The following MYEF2 variants were observed in gnomAD, a reference collection of about 807,000 sequenced individuals.
MYEF2 encodes myelin gene expression factor 2.
MYEF2 carries 37 observed loss-of-function variants against 75.2 expected under a neutral mutation model. That is an observed-to-expected ratio of 0.49 (90% CI 0.38 to 0.65). The LOEUF is 0.65. Among genes scored for constraint, MYEF2 ranks in the 30% least tolerant of loss-of-function variants. MYEF2 has a pLI of 0.00. For synonymous variants in MYEF2, 195 were observed against 241.6 expected, an observed-to-expected ratio of 0.81 and a Z score of 1.79; for missense variants, 634 against 771.4, an observed-to-expected ratio of 0.82 and a Z score of 2.11.
At chr15:48,148,031 TTAATA>T (rs2039354078) in intron 16 of MYEF2, among the ~76,000 whole-genome samples, 2 of 152,032 alleles carry the variant, frequency 1.3e-5, no homozygotes, top group South Asian at 4.2e-4. Flanking sequence ...CAAATAACTA[TTAATA>T]TAATAAAAGC....
At position 48,155,323 on chromosome 15, in the gene MYEF2, T is replaced by C. The variant is rs191737864; in HGVS notation, c.986-1430A>G. Among the ~76,000 whole-genome samples, 77 of 152,212 alleles carry C rather than the reference T, an allele frequency of 5.1e-4. 1 individual carries two copies. Among genetic ancestry groups the C allele is most frequent in the Admixed American group, 3.3e-4 (5 of 15,272 alleles). On this transcript the variant is annotated intron_variant, in intron 9 of 16. Transcript: ENST00000324324. ...GAAAAAAAATCACCCAATAAAATTT[T>C]TAATTCACTAGGAAAATATATCAAT... is the stretch of plus-strand genomic sequence containing the variant.
rs1413381138 is a variant in MYEF2, at chr15:48,138,849, T to G, written c.*4059A>C. The G allele has an allele frequency of 1.4e-6, 1 of 739,170 alleles. No homozygotes were observed. The highest frequency in any genetic ancestry group is 2.2e-6 in the Non-Finnish European group (1 of 450,886). The allele number at this position is 739,170 out of a possible 1,614,324, so 45.8% of individuals were successfully genotyped here. ...ATCAGTAATGAGGTACTCAAATGTT[T>G]TAAACAGCCTTTTAAAAACTGATAC... On this transcript the variant is annotated 3_prime_UTR_variant, in exon 17 of 17. Transcript: ENST00000324324.
At chr15:48,146,040 A>T (rs543768190) in intron 16 of MYEF2, among the ~76,000 whole-genome samples, 2 of 151,914 alleles carry the variant, frequency 1.3e-5, no homozygotes, top group Non-Finnish European at 1.5e-5. Context: ...GAACAAAGTT[A>T]TATCTGTTTA....
intron 5 of MYEF2, among the ~76,000 whole-genome samples, chr15:48,162,125 C>G (rs553521874): frequency 6.6e-6 from 1 of 151,836 alleles, no homozygotes; most frequent in African/African-American, 2.4e-5. Context: ...AATTTGGAAG[C>G]AAGCTCAAAT....
intron 16 of MYEF2, among the ~76,000 whole-genome samples, chr15:48,146,118 T>C (rs2039272752): frequency 6.6e-6 from 1 of 151,930 alleles, no homozygotes; most frequent in South Asian, 2.1e-4. Flanking sequence ...TGTTATAGTC[T>C]TGCATCATAC....
Position 48,153,832 on chromosome 15 carries a change from C to G in MYEF2, c.1047G>C (p.Gln349His). ...TTCCCATTACTCCACCTATGTTCAA[C>G]TGGCTGGCACTAATAGGCTGTCCAC... is the stretch of plus-strand genomic sequence containing the variant. The part of the protein sequence containing the change: ...GPGGQPISAS[Q>H]LNIGGVMGNL... The change falls in exon 10 of 17, where the codon CAG becomes CAC. Residue 349 changes from glutamine (Q) to histidine (H), a missense_variant. Gln to His is a conservative substitution (Grantham distance 24). Coordinates refer to ENST00000324324, the MANE Select transcript of MYEF2 (RefSeq NM_016132.5). 1 of 1,613,502 alleles carries G rather than the reference C, an allele frequency of 6.2e-7. No individual in the cohort carries two copies. The highest frequency in any genetic ancestry group is 1.1e-5 in the South Asian group (1 of 91,050).
At chr15:48,168,032 AAACT>A (rs2040190913) in intron 2 of MYEF2, among the ~76,000 whole-genome samples, 1 of 152,106 alleles carries the variant, frequency 6.6e-6, no homozygotes, top group Admixed American at 6.6e-5. Flanking sequence ...AGAGATAACA[AAACT>A]AACTTTTACA....
At chr15:48,150,769 C>G (rs773211362) in intron 14 of MYEF2, among the ~76,000 whole-genome samples, 2 of 151,976 alleles carry the variant, frequency 1.3e-5, no homozygotes, top group Non-Finnish European at 2.9e-5. Context: ...AGAAAATAAG[C>G]AAGGAAACAA....
chr15:48,139,661 A>G lies in MYEF2; in HGVS notation c.*3247T>C, dbSNP rs1205118282. Reference sequence around the variant, plus strand: ...ATACAAACATATTATGAAATGAGTGAAAAGGGCATAATAATTTTATTCTAG... The same window carrying G: ...ATACAAACATATTATGAAATGAGTGGAAAGGGCATAATAATTTTATTCTAG... On this transcript the variant is annotated 3_prime_UTR_variant, in exon 17 of 17. Transcript: ENST00000324324. 6.6e-6 allele frequency: 1 copy of G among 152,648 alleles called. No homozygotes were observed. The highest frequency in any genetic ancestry group is 6.5e-5 in the Admixed American group (1 of 15,338). The allele number at this position is 152,648 out of a possible 1,614,324, so 9.5% of individuals were successfully genotyped here.
At chr15:48,162,073 AC>A (rs1185904253) in intron 5 of MYEF2, among the ~76,000 whole-genome samples, 5 of 151,934 alleles carry the variant, frequency 3.3e-5, no homozygotes, top group African/African-American at 1.2e-4. Flanking sequence ...CCTGTTAATA[AC>A]TTTTTTAATA....
rs1597262272 is a variant in MYEF2 at position 48,136,486 on chromosome 15, T to G, written c.*6422A>C. The G allele has an allele frequency of 2.3e-6, 1 of 426,554 alleles. No individual in the cohort carries two copies. 26.4% of individuals were successfully genotyped at this position (426,554 alleles called of 1,614,324 possible). On this transcript the variant is annotated 3_prime_UTR_variant, in exon 17 of 17. Transcript: ENST00000324324. ...TAAAAAAAAAAAAACAACACAGAAG[T>G]GTCCAGCTTTTATCAATAAACATAA...
chr15:48,158,724 G>T, intron 7 of MYEF2, 45 bp downstream of exon 7: 1 of 1,607,474 alleles, frequency 6.2e-7, no homozygotes. Flanking sequence ...GTGGTATTAT[G>T]CTTCTTCAAC....
rs892784149 is a variant in MYEF2 at position 48,135,671 on chromosome 15, A to G, written c.*7237T>C. The G allele has an allele frequency of 6.6e-6, 1 of 151,824 alleles. No homozygotes were observed. The highest frequency in any genetic ancestry group is 2.4e-5 in the African/African-American group (1 of 41,280). The allele number at this position is 151,824 out of a possible 1,614,324, so 9.4% of individuals were successfully genotyped here. A position where few individuals can be genotyped will look rare whatever the true frequency, so the allele number is the denominator to read the frequency against. Reference sequence around the variant, plus strand: ...AATGTAAAACACAGCTACACAGGTTATATACATTGCATAACTCCAGAGGAC... The same window carrying G: ...AATGTAAAACACAGCTACACAGGTTGTATACATTGCATAACTCCAGAGGAC... On this transcript the variant is annotated 3_prime_UTR_variant, in exon 17 of 17. Transcript: ENST00000324324.
In MYEF2 at chr15:48,135,891, G is replaced by A. The variant is rs1390091467; in HGVS notation, c.*7017C>T. ...AGAATAGAAATCCTTCTAGAACTCA[G>A]CAGTTGTCTGTAAGGGATAGTGACT... On this transcript the variant is annotated 3_prime_UTR_variant, in exon 17 of 17. Coordinates refer to ENST00000324324, the MANE Select transcript of MYEF2 (RefSeq NM_016132.5). The A allele has an allele frequency of 6.6e-6, 1 of 152,060 alleles. No homozygotes were observed. The highest frequency in any genetic ancestry group is 2.4e-5 in the African/African-American group (1 of 41,408). 9.4% of individuals were successfully genotyped at this position (152,060 alleles called of 1,614,324 possible).
In MYEF2 at chr15:48,158,033, T is replaced by C; in HGVS notation, c.945A>G (p.Glu315=). Residue 315 remains glutamate, a synonymous_variant, in exon 9 of 17, where the codon GAA becomes GAG. Coordinates refer to ENST00000324324, the MANE Select transcript of MYEF2 (RefSeq NM_016132.5). ...TTTTACCATCATGTGAACGGTACTC[T>C]TCATGAGGAACAGACTTGTCATCCT... ...VKMDDKSVPH[E]EYRSHDGKTP... 6.2e-7 allele frequency: 1 copy of C among 1,613,222 alleles called. No homozygotes were observed. Among genetic ancestry groups the C allele is most frequent in the Non-Finnish European group, 8.5e-7 (1 of 1,179,458 alleles).
At chr15:48,177,514 G>T (rs1298824344) in intron 1 of MYEF2, among the ~76,000 whole-genome samples, 1 of 152,034 alleles carries the variant, frequency 6.6e-6, no homozygotes, top group East Asian at 1.9e-4. Context: ...ACAAAACATA[G>T]AGTCTAACAG....
intron 9 of MYEF2, chr15:48,157,035 C>T (rs1021033498): frequency 6.6e-6 from 1 of 151,950 alleles, no homozygotes; most frequent in Non-Finnish European, 1.5e-5. Flanking sequence ...ACAAATATGG[C>T]ATATGATAAC....
Position 48,167,401 on chromosome 15 carries a change from A to G in MYEF2, c.371T>C (p.Val124Ala). Residue 124 changes from valine to alanine, a missense_variant and splice_region_variant, in exon 3 of 17, where the codon GTT (valine) becomes GCT (alanine). Val to Ala is a moderately conservative substitution (Grantham distance 64, BLOSUM62 0). Transcript: ENST00000324324. ...QAIKDLMREK[V>A]GEVTYVELFK... ...GAGCTCCACGTATGTAACCTCACCA[A>G]CTACATAAGACATACAAAAGGAAGA... 3 of 1,612,816 alleles carry G rather than the reference A, an allele frequency of 1.9e-6. No individual in the cohort carries two copies. Among genetic ancestry groups the G allele is most frequent in the Non-Finnish European group, 2.5e-6 (3 of 1,178,980 alleles).
intron 12 of MYEF2, 134 bp downstream of exon 12, chr15:48,151,740 C>T: frequency 1.7e-6 from 2 of 1,188,428 alleles, no homozygotes; most frequent in Non-Finnish European, 2.5e-6. Flanking sequence ...ATTCCCCAGG[C>T]CTGTCCTTAT....
Sources: allele counts gnomAD v4.1 joint callset (sites outside exome capture counted in the v4.1 genomes callset), GRCh38; gene constraint gnomAD v4.1.1; transcripts MANE v1.5; gene names NCBI Gene and HGNC (gene_info 2026-07-23, HGNC 2026-07-21).